The following TECPR2 variants were observed in gnomAD, a reference collection of about 807,000 sequenced individuals.
The protein encoded by TECPR2 is tectonin beta-propeller repeat containing 2.
A neutral mutation model predicts 138.1 loss-of-function variants in TECPR2; 65 were observed. That is an observed-to-expected ratio of 0.47 (90% CI 0.39 to 0.58). The LOEUF (loss-of-function observed/expected upper bound fraction) is 0.58. TECPR2 is among the 20% of genes least tolerant of loss of function. TECPR2 has a pLI of 0.00. For missense variants in TECPR2, 1,553 were observed against 1,824.5 expected (o/e 0.85, Z 2.71); for synonymous variants, 746 against 749.8 (o/e 0.99, Z 0.08).
chr14:102,380,774 G>A (rs1267046556), intron 2 of TECPR2, among the ~76,000 whole-genome samples: 1 of 152,190 alleles, frequency 6.6e-6, no homozygotes, highest in African/African-American at 2.4e-5. Flanking sequence ...CGCCTCCCGG[G>A]TTCAAGCGAT....
intron 2 of TECPR2, among the ~76,000 whole-genome samples, chr14:102,378,202 A>G (rs572031853): frequency 1.4e-4 from 22 of 152,354 alleles, no homozygotes; most frequent in Non-Finnish European, 2.4e-4. Flanking sequence ...TTTATGGACC[A>G]AGATACAGCT....
intron 1 of TECPR2, among the ~76,000 whole-genome samples, chr14:102,367,730 T>C (rs934580154): frequency 6.6e-6 from 1 of 152,204 alleles, no homozygotes; most frequent in Admixed American, 6.5e-5. Context: ...CTACAAATTC[T>C]TTGTAGATAT....
intron 16 of TECPR2, among the ~76,000 whole-genome samples, chr14:102,456,126 C>T (rs76905977): frequency 0.01 from 1,586 of 152,258 alleles, 30 homozygotes; most frequent in African/African-American, 0.036. Flanking sequence ...CGGGGCATCC[C>T]GTCTAAATGT....
At chr14:102,395,105 T>C (rs976862593) in intron 2 of TECPR2, among the ~76,000 whole-genome samples, 1 of 152,296 alleles carries the variant, frequency 6.6e-6, no homozygotes, top group South Asian at 2.1e-4. Context: ...ACACTAGATA[T>C]ATTTATAGTC....
At chr14:102,416,718 T>C (rs1889033906) in intron 5 of TECPR2, among the ~76,000 whole-genome samples, 1 of 151,996 alleles carries the variant, frequency 6.6e-6, no homozygotes. Flanking sequence ...ACACAGTGGC[T>C]CACGCCTGTA....
At chr14:102,381,534 A>G (rs942648924) in intron 2 of TECPR2, among the ~76,000 whole-genome samples, 1 of 152,250 alleles carries the variant, frequency 6.6e-6, no homozygotes, top group Non-Finnish European at 1.5e-5. Context: ...AGATCGTGCC[A>G]GTGCACTCCA....
chr14:102,434,998 G>T lies in TECPR2; in HGVS notation c.2181G>T (p.Pro727=). 6.2e-7 allele frequency: 1 copy of T among 1,614,066 alleles called. No homozygotes were observed. Among genetic ancestry groups the T allele is most frequent in the Non-Finnish European group, 8.5e-7 (1 of 1,180,014 alleles). Residue 727 remains proline, a synonymous_variant, in exon 9 of 20, where the codon CCG becomes CCT. Transcript: ENST00000359520. ...GGAGTGTGGGAGGACAGCTGACTCC[G>T]GTCTCTGCCTTGGCAGCCAGCACTC... The part of the protein sequence containing the change: ...VLGSVGGQLT[P]VSALAASTHK...
intron 18 of TECPR2, 39 bp downstream of exon 18, chr14:102,497,159 CG>C (rs777961510): frequency 1.8e-5 from 29 of 1,594,102 alleles, no homozygotes; most frequent in Non-Finnish European, 2.4e-5. Flanking sequence ...GCCGGCCAGC[CG>C]GGGCTACCAT....
intron 17 of TECPR2, among the ~76,000 whole-genome samples, chr14:102,477,369 C>CAA (rs919684497): frequency 3.1e-5 from 3 of 97,170 alleles, no homozygotes; most frequent in African/African-American, 7.7e-5. Flanking sequence ...GACTCCGTCT[C>CAA]AAAAAAAAAA....
chr14:102,498,649 A>C lies in TECPR2; in HGVS notation c.*392A>C. The C allele has an allele frequency of 2.5e-6, 1 of 399,178 alleles. No homozygotes were observed. The highest frequency in any genetic ancestry group is 4.8e-6 in the Non-Finnish European group (1 of 208,608). 24.7% of individuals were successfully genotyped at this position (399,178 alleles called of 1,614,324 possible). ...GGTTTGGCCCAGGGCCTCCTTCCAC[A>C]TTAGTAGCCCCAGGGCCAGATGGAG... On this transcript the variant is annotated 3_prime_UTR_variant, in exon 20 of 20. Coordinates refer to ENST00000359520, the MANE Select transcript of TECPR2 (RefSeq NM_014844.5).
intron 16 of TECPR2, among the ~76,000 whole-genome samples, chr14:102,455,759 C>G (rs904080398): frequency 2.0e-5 from 3 of 152,146 alleles, no homozygotes; most frequent in Non-Finnish European, 4.4e-5. Context: ...TTACAGGCAC[C>G]CACCACCACA....
intron 2 of TECPR2, among the ~76,000 whole-genome samples, chr14:102,403,200 A>G (rs1319671265): frequency 1.3e-5 from 2 of 152,216 alleles, no homozygotes; most frequent in South Asian, 2.1e-4. Context: ...CCAAAGTGGG[A>G]TATATTTCTG....
At chr14:102,481,233 A>G (rs1042339863) in intron 17 of TECPR2, among the ~76,000 whole-genome samples, 1 of 150,776 alleles carries the variant, frequency 6.6e-6, no homozygotes, top group Non-Finnish European at 1.5e-5. Flanking sequence ...CAAACTCCTG[A>G]TCTCAGGTGA....
At chr14:102,486,197 A>C (rs1891023118) in intron 17 of TECPR2, among the ~76,000 whole-genome samples, 1 of 152,224 alleles carries the variant, frequency 6.6e-6, no homozygotes, top group Admixed American at 6.5e-5. Context: ...GGCCTCTGAC[A>C]GGCCAGAAGA....
intron 2 of TECPR2, among the ~76,000 whole-genome samples, chr14:102,395,453 G>C (rs534857255): frequency 2.0e-5 from 3 of 152,332 alleles, no homozygotes; most frequent in Non-Finnish European, 4.4e-5. Context: ...AGACCACTCA[G>C]ACCAGAAGCC....
intron 1 of TECPR2, among the ~76,000 whole-genome samples, chr14:102,368,071 G>C (rs546248189): frequency 7.4e-6 from 1 of 135,566 alleles, no homozygotes; most frequent in South Asian, 2.3e-4. Flanking sequence ...GCAGTGGTGC[G>C]ATCTTGGCTC....
intron 7 of TECPR2, among the ~76,000 whole-genome samples, chr14:102,430,841 C>T (rs562625712): frequency 1.1e-4 from 16 of 152,220 alleles, no homozygotes; most frequent in Non-Finnish European, 1.8e-4. Context: ...TTCCCTCTTC[C>T]AGGAAACTTA....
intron 2 of TECPR2, among the ~76,000 whole-genome samples, chr14:102,380,916 G>T (rs960243746): frequency 1.3e-5 from 2 of 151,508 alleles, no homozygotes; most frequent in Non-Finnish European, 2.9e-5. Context: ...CTGACCTCGT[G>T]ATCTGCCCGC....
At chr14:102,466,223 A>G (rs1890548041) in intron 17 of TECPR2, among the ~76,000 whole-genome samples, 1 of 152,120 alleles carries the variant, frequency 6.6e-6, no homozygotes, top group Non-Finnish European at 1.5e-5. Flanking sequence ...TGAAATCAGC[A>G]TTCGGCTCCA....
Sources: allele counts gnomAD v4.1 joint callset (sites outside exome capture counted in the v4.1 genomes callset), GRCh38; gene constraint gnomAD v4.1.1; transcripts MANE v1.5; gene names NCBI Gene and HGNC (gene_info 2026-07-23, HGNC 2026-07-21).